Variants in NELL1 observed in about 807,000 individuals in gnomAD.
NELL1 encodes protein kinase C-binding protein NELL1.
Under a neutral mutation model 107.4 loss-of-function variants are expected in NELL1, and 76 were observed. That is an observed-to-expected ratio of 0.71 (90% CI 0.59 to 0.86). The LOEUF is 0.86. Among genes scored for constraint, NELL1 ranks in the 40% least tolerant of loss-of-function variants. The probability of loss-of-function intolerance (pLI) is 0.00; values close to 1 mark genes in which losing one functional copy is unlikely to be tolerated. For synonymous variants in NELL1, 353 were observed against 341.2 expected, an observed-to-expected ratio of 1.03 and a Z score of -0.38; for missense variants, 1,024 against 1,005.5, an observed-to-expected ratio of 1.02 and a Z score of -0.25.
intron 14 of NELL1, among the ~76,000 whole-genome samples, chr11:21,295,465 C>G (rs113422858): frequency 0.012 from 1,856 of 152,018 alleles, 44 homozygotes; most frequent in African/African-American, 0.042. Context: ...AGAGAGAACA[C>G]TTAAAACAGG....
intron 4 of NELL1, among the ~76,000 whole-genome samples, chr11:20,873,037 G>C (rs983987044): frequency 1.3e-5 from 2 of 152,162 alleles, no homozygotes; most frequent in East Asian, 1.9e-4. Context: ...TGAGCAGCAG[G>C]CTTTTGATTT....
At chr11:20,852,270 ACTT>A (rs1848808525) in intron 4 of NELL1, among the ~76,000 whole-genome samples, 1 of 152,236 alleles carries the variant, frequency 6.6e-6, no homozygotes, top group Admixed American at 6.5e-5. Flanking sequence ...GACTAAACAT[ACTT>A]ATCTTTTACT....
intron 13 of NELL1, among the ~76,000 whole-genome samples, chr11:21,133,907 G>C (rs1855683332): frequency 6.6e-6 from 1 of 152,210 alleles, no homozygotes; most frequent in African/African-American, 2.4e-5. Flanking sequence ...GAAGTGGGCA[G>C]GGCTTCTGCC....
intron 2 of NELL1, among the ~76,000 whole-genome samples, chr11:20,722,319 C>T (rs1855410331): frequency 6.6e-6 from 1 of 152,182 alleles, no homozygotes; most frequent in East Asian, 1.9e-4. Context: ...CCATGCCCGG[C>T]CCTGAGTCTC....
At chr11:21,035,052 G>A (rs976848769) in intron 12 of NELL1, among the ~76,000 whole-genome samples, 2 of 152,006 alleles carry the variant, frequency 1.3e-5, no homozygotes, top group African/African-American at 4.8e-5. Flanking sequence ...TAATAAGGGG[G>A]ATAATACCAC....
intron 14 of NELL1, among the ~76,000 whole-genome samples, chr11:21,265,642 G>T (rs1848620280): frequency 6.6e-6 from 1 of 151,970 alleles, no homozygotes; most frequent in Admixed American, 6.6e-5. Flanking sequence ...AGTCTCAAGA[G>T]CTTTCTTGAA....
intron 13 of NELL1, 137 bp from the exon 14 acceptor site, chr11:21,229,195 C>A (rs1857976477): frequency 2.2e-6 from 2 of 907,628 alleles, no homozygotes; most frequent in South Asian, 1.6e-5. Context: ...TCAACAGGAA[C>A]TTTTAGGCGC....
At chr11:20,868,577 A>G (rs563922744) in intron 4 of NELL1, among the ~76,000 whole-genome samples, 60 of 152,212 alleles carry the variant, frequency 3.9e-4, no homozygotes, top group Non-Finnish European at 6.5e-4. Flanking sequence ...TTAATGTTAT[A>G]TATCAAAAAC....
intron 5 of NELL1, among the ~76,000 whole-genome samples, chr11:20,909,647 C>A (rs891506661): frequency 1.3e-5 from 2 of 152,090 alleles, no homozygotes; most frequent in African/African-American, 2.4e-5. Context: ...TATTGCATGT[C>A]AAACCAGCGT....
At chr11:21,079,151 A>G (rs1385376538) in intron 12 of NELL1, among the ~76,000 whole-genome samples, 1 of 152,022 alleles carries the variant, frequency 6.6e-6, no homozygotes, top group Non-Finnish European at 1.5e-5. Flanking sequence ...AAAAACCTTG[A>G]AAGAATTGTG....
At chr11:21,488,874 G>A (rs1854716689) in intron 15 of NELL1, among the ~76,000 whole-genome samples, 1 of 151,886 alleles carries the variant, frequency 6.6e-6, no homozygotes, top group Non-Finnish European at 1.5e-5. Context: ...GCACCTTAAG[G>A]AACTGGAAAA....
In NELL1 at chr11:21,514,320, G is replaced by T. The variant is rs191023241; in HGVS notation, c.1646-20054G>T. ...ATATTTGGCATATAAAAATGAAGAT[G>T]TTGGAGTTCCATGCTAAACATAATT... On this transcript the variant is annotated intron_variant, in intron 15 of 19. Coordinates refer to ENST00000357134, the MANE Select transcript of NELL1 (RefSeq NM_006157.5). 5.9e-5 allele frequency among the ~76,000 whole-genome samples: 9 copies of T among 152,288 alleles called. No individual in the cohort carries two copies. In the East Asian group the frequency reaches 1.5e-3, roughly 26 times the overall value.
intron 14 of NELL1, chr11:21,262,665 A>T (rs574623494): frequency 6.9e-6 from 1 of 145,180 alleles, no homozygotes; most frequent in Non-Finnish European, 1.6e-5. Context: ...GAGAAGCCCA[A>T]TGCTATTCTG....
In NELL1 at chr11:20,731,986, A is replaced by G. The variant is rs147155578; in HGVS notation, c.185-51694A>G. On this transcript the variant is annotated intron_variant, in intron 2 of 19. Transcript: ENST00000357134. Reference sequence around the variant, plus strand: ...AATCACTGGTGTGCTCTCTAAACCAACTTTTCTAGAGAAGCATTTCACAAT... The same window carrying G: ...AATCACTGGTGTGCTCTCTAAACCAGCTTTTCTAGAGAAGCATTTCACAAT... Among the ~76,000 whole-genome samples the G allele has an allele frequency of 7.7e-3, 1,169 of 152,262 alleles. 14 individuals are homozygous for G. The highest frequency in any genetic ancestry group is 0.027 in the African/African-American group (1,119 of 41,526).
chr11:21,275,542 T>C (rs1260586026), intron 14 of NELL1, among the ~76,000 whole-genome samples: 2 of 152,172 alleles, frequency 1.3e-5, no homozygotes, highest in African/African-American at 4.8e-5. Context: ...CCTCCCTAGC[T>C]CATTTTATGA....
chr11:21,548,991 C>T (rs1856511189), intron 16 of NELL1, among the ~76,000 whole-genome samples: 1 of 150,956 alleles, frequency 6.6e-6, no homozygotes, highest in African/African-American at 2.4e-5. Flanking sequence ...TCTATATAAA[C>T]AATCCTGACT....
chr11:21,026,788 C>T (rs1378454347), intron 12 of NELL1, among the ~76,000 whole-genome samples: 1 of 152,116 alleles, frequency 6.6e-6, no homozygotes, highest in East Asian at 1.9e-4. Context: ...TACCAAACAT[C>T]CTTTATAGAT....
chr11:21,545,751 G>C (rs1856426886), intron 16 of NELL1, among the ~76,000 whole-genome samples: 1 of 151,920 alleles, frequency 6.6e-6, no homozygotes, highest in African/African-American at 2.4e-5. Context: ...GTTTTCCTCA[G>C]ATCCTATTAC....
At chr11:21,308,053 A>G (rs115519269) in intron 14 of NELL1, among the ~76,000 whole-genome samples, 2,705 of 152,144 alleles carry the variant, frequency 0.018, 88 homozygotes, top group African/African-American at 0.062. Flanking sequence ...GGAATCACAT[A>G]GCTCTAGGTT....
Sources: gnomAD v4.1 joint callset for allele counts (sites outside exome capture counted in the v4.1 genomes callset) on GRCh38, gnomAD v4.1.1 for gene constraint, MANE v1.5 for transcripts, NCBI Gene and HGNC (gene_info 2026-07-23, HGNC 2026-07-21) for gene names.